The following PRDM15 variants were observed in gnomAD, a reference collection of about 807,000 sequenced individuals.
PRDM15 encodes PR/SET domain 15.
In PRDM15, 64 loss-of-function variants were observed where a neutral mutation model predicts 128.6. The observed-to-expected ratio is 0.50, with a 90% CI of 0.41 to 0.61. The LOEUF is 0.61. Ranked by LOEUF, PRDM15 falls within the 20% of genes least tolerant of loss-of-function variation. The probability of loss-of-function intolerance (pLI) is 0.00; values close to 1 mark genes in which losing one functional copy is unlikely to be tolerated. For synonymous variants in PRDM15, 615 were observed against 621.8 expected, an observed-to-expected ratio of 0.99 and a Z score of 0.16; for missense variants, 1,242 against 1,569.1, an observed-to-expected ratio of 0.79 and a Z score of 3.52.
rs1026948326 is a variant in PRDM15 at position 41,859,408 on chromosome 21, G to A, written c.131+184C>T. Among the ~76,000 whole-genome samples, 7 of 152,218 alleles carry A rather than the reference G, an allele frequency of 4.6e-5. No homozygotes were observed. Among genetic ancestry groups the A allele is most frequent in the East Asian group, 1.9e-4 (1 of 5,188 alleles). On this transcript the variant is annotated intron_variant, in intron 3 of 23. Transcript: ENST00000398548. The surrounding 1 kb of genome is among the most constrained non-coding windows in gnomAD (Gnocchi z 5.3). ...AACTCACTCTGGAGCTTTGAAGCAC[G>A]TGTTTTGGTGTGTCCCGGCAGCAAC...
rs765787474 is a variant in PRDM15, at chr21:41,854,535, G to T, written c.538+31C>A. On this transcript the variant is annotated intron_variant, in intron 5 of 23. Coordinates refer to ENST00000398548, the MANE Select transcript of PRDM15 (RefSeq NM_001040424.3). The surrounding 1 kb of genome is among the most constrained non-coding windows in gnomAD (Gnocchi z 4.6). The stretch of plus-strand genomic sequence containing the variant: ...ACCCCTTCGGCGAGGCACAAGGGAA[G>T]GTGGGCTCCGGATCGGGGGCCGCCA... 2.5e-6 allele frequency: 4 copies of T among 1,609,204 alleles called. No homozygotes were observed. In the South Asian group the frequency reaches 4.4e-5, roughly 18 times the overall value.
chr21:41,866,069 G>A (rs920593872), intron 1 of PRDM15, among the ~76,000 whole-genome samples: 1 of 152,152 alleles, frequency 6.6e-6, no homozygotes, highest in Admixed American at 6.5e-5. Flanking sequence ...ATGAAAGACA[G>A]AAGCTTAAAA....
chr21:41,822,157 CCGTGGCGCCCTAA>C, intron 14 of PRDM15, 120 bp from the exon 15 acceptor site: 1 of 1,371,544 alleles, frequency 7.3e-7, no homozygotes, highest in Non-Finnish European at 1.0e-6. Context: ...TCTCTGATGC[CCGTGGCGCCCTAA>C]CGAGCTACAC....
At chr21:41,843,391 C>T (rs115888772) in intron 6 of PRDM15, among the ~76,000 whole-genome samples, 1,552 of 152,306 alleles carry the variant, frequency 0.01, 20 homozygotes, top group African/African-American at 0.035. Flanking sequence ...TCTTGTCCTA[C>T]AATCTCCTTC....
chr21:41,868,694 C>CTT (rs55653735), intron 1 of PRDM15, among the ~76,000 whole-genome samples: 36,085 of 124,880 alleles, frequency 0.29, 5,941 homozygotes, highest in East Asian at 0.35. Flanking sequence ...TTTTCTTTTT[C>CTT]TTTTTTTTTT....
chr21:41,804,579 G>A lies in PRDM15; in HGVS notation c.2688C>T (p.Leu896=), dbSNP rs764530806. The change falls in exon 22 of 24, where the codon CTC becomes CTT. Residue 896 remains leucine, a synonymous_variant. Coordinates refer to ENST00000398548, the MANE Select transcript of PRDM15 (RefSeq NM_001040424.3). ...AGGCGTCGATGGTGGTGGTCTCCGG[G>A]AGGTGGTCCAGGTCATCGATCCTCA... ...LAVRIDDLDH[L]PETTTIDASS... 6.4e-7 allele frequency: 1 copy of A among 1,571,850 alleles called. No individual in the cohort carries two copies. Among genetic ancestry groups the A allele is most frequent in the Admixed American group, 1.9e-5 (1 of 53,026 alleles).
chr21:41,802,641 C>CACGT (rs1445416179), intron 23 of PRDM15, 71 bp downstream of exon 23: 2 of 1,249,760 alleles, frequency 1.6e-6, no homozygotes, highest in African/African-American at 2.9e-5. Context: ...GATGGAGTCA[C>CACGT]ACACACGTAA....
At chr21:41,840,905 T>G (rs185768676) in intron 6 of PRDM15, among the ~76,000 whole-genome samples, 365 of 152,122 alleles carry the variant, frequency 2.4e-3, no homozygotes, top group Non-Finnish European at 4.2e-3. Flanking sequence ...TGTGTCGTAT[T>G]AAACAAAAAA....
chr21:41,832,331 C>A lies in PRDM15; in HGVS notation c.1366+3106G>T, dbSNP rs2062720882. Among the ~76,000 whole-genome samples the A allele has an allele frequency of 6.6e-6, 1 of 152,122 alleles. No homozygotes were observed. Among genetic ancestry groups the A allele is most frequent in the East Asian group, 1.9e-4 (1 of 5,192 alleles). ...TGGCATCAGATTGCCACAGGCCACA[C>A]CTTACAGCACTGTGGCATCGGATCA... On this transcript the variant is annotated intron_variant, in intron 11 of 23. Coordinates refer to ENST00000398548, the MANE Select transcript of PRDM15 (RefSeq NM_001040424.3). The surrounding 1 kb of genome is among the most constrained non-coding windows in gnomAD (Gnocchi z 4.2).
chr21:41,852,101 ATT>A (rs2063446823), intron 5 of PRDM15, among the ~76,000 whole-genome samples: 1 of 152,176 alleles, frequency 6.6e-6, no homozygotes, highest in Admixed American at 6.5e-5. Flanking sequence ...ATTTAAATCT[ATT>A]GTTTCAAACT....
Position 41,832,778 on chromosome 21 carries a change from G to A in PRDM15, c.1366+2659C>T, listed in dbSNP as rs967602983. The stretch of plus-strand genomic sequence containing the variant: ...GGCAGGTGGCTCCACTAGTCCTGCC[G>A]CCCCGTGGAAGGCAATGGTGCTGCC... On this transcript the variant is annotated intron_variant, in intron 11 of 23. Coordinates refer to ENST00000398548, the MANE Select transcript of PRDM15 (RefSeq NM_001040424.3). The surrounding 1 kb of genome is among the most constrained non-coding windows in gnomAD (Gnocchi z 4.2). Among the ~76,000 whole-genome samples the A allele has an allele frequency of 2.0e-5, 3 of 152,140 alleles. No individual in the cohort carries two copies. The highest frequency in any genetic ancestry group is 6.5e-5 in the Admixed American group (1 of 15,282).
In PRDM15 at chr21:41,821,562, G is replaced by T. The variant is rs140288228; in HGVS notation, c.1897-332C>A. Among the ~76,000 whole-genome samples the T allele has an allele frequency of 2.6e-5, 4 of 152,284 alleles. No homozygotes were observed. Among genetic ancestry groups the T allele is most frequent in the African/African-American group, 9.6e-5 (4 of 41,556 alleles). Reference sequence around the variant, plus strand: ...AGAGAAGGGGAGGGGAAAAGGGGAGGAGAGAGGCGCCCCAGCCTGCAGCCA... The same window carrying T: ...AGAGAAGGGGAGGGGAAAAGGGGAGTAGAGAGGCGCCCCAGCCTGCAGCCA... On this transcript the variant is annotated intron_variant, in intron 15 of 23. Transcript: ENST00000398548. The surrounding 1 kb of genome is among the most constrained non-coding windows in gnomAD (Gnocchi z 5.4).
intron 6 of PRDM15, among the ~76,000 whole-genome samples, chr21:41,846,253 G>A (rs551137845): frequency 1.3e-5 from 2 of 152,186 alleles, no homozygotes; most frequent in Non-Finnish European, 2.9e-5. Context: ...TATTTGATGC[G>A]AGTCTTTCTT....
intron 1 of PRDM15, among the ~76,000 whole-genome samples, chr21:41,876,291 GC>G (rs2146067594): frequency 6.6e-6 from 1 of 152,318 alleles, no homozygotes; most frequent in East Asian, 1.9e-4. Context: ...AGTTCACATA[GC>G]ATGGACAAAT....
intron 1 of PRDM15, chr21:41,867,169 A>T: frequency 1.5e-6 from 1 of 671,786 alleles, no homozygotes; most frequent in Non-Finnish European, 2.6e-6. Flanking sequence ...TGAGTTTTGC[A>T]CAGATTTTCT....
chr21:41,876,694 T>C (rs368894924), intron 1 of PRDM15, among the ~76,000 whole-genome samples: 3 of 152,176 alleles, frequency 2.0e-5, no homozygotes, highest in Admixed American at 2.0e-4. Context: ...AGTTTGAAGA[T>C]GTCTGCTCTA....
chr21:41,816,696 C>G (rs996296450), intron 18 of PRDM15, among the ~76,000 whole-genome samples: 1 of 152,260 alleles, frequency 6.6e-6, no homozygotes, highest in Non-Finnish European at 1.5e-5. Context: ...TTCTAAAGGC[C>G]GGGCCAGAAG....
At chr21:41,826,897 T>C (rs904244874) in intron 12 of PRDM15, among the ~76,000 whole-genome samples, 5 of 152,168 alleles carry the variant, frequency 3.3e-5, no homozygotes, top group South Asian at 2.1e-4. Flanking sequence ...CCGAGTTACA[T>C]TAAACTGTAA....
intron 7 of PRDM15, among the ~76,000 whole-genome samples, chr21:41,839,263 A>G (rs974059804): frequency 3.3e-5 from 5 of 152,212 alleles, no homozygotes; most frequent in Non-Finnish European, 5.9e-5. Flanking sequence ...AAGGAGGCAG[A>G]CAGAGTCCAT....
Sources: allele counts gnomAD v4.1 joint callset (sites outside exome capture counted in the v4.1 genomes callset), GRCh38; gene constraint gnomAD v4.1.1; non-coding constraint Gnocchi (gnomAD v3.1); transcripts MANE v1.5; gene names NCBI Gene and HGNC (gene_info 2026-07-23, HGNC 2026-07-21).